The following RBM45 variants were observed in gnomAD, a reference collection of about 807,000 sequenced individuals.
RBM45 encodes RNA-binding protein 45.
Under a neutral mutation model 58.5 loss-of-function variants are expected in RBM45, and 39 were observed. The observed-to-expected ratio is 0.67, with a 90% CI of 0.52 to 0.87. The LOEUF (loss-of-function observed/expected upper bound fraction) is 0.87. Among genes scored for constraint, RBM45 ranks in the 40% least tolerant of loss-of-function variants. The pLI, the probability that RBM45 is intolerant of heterozygous loss-of-function variation, is 0.00. For synonymous variants in RBM45, 193 were observed against 203.0 expected, an observed-to-expected ratio of 0.95 and a Z score of 0.42; for missense variants, 481 against 581.6, an observed-to-expected ratio of 0.83 and a Z score of 1.78.
downstream of RBM45, among the ~76,000 whole-genome samples, chr2:178,132,693 C>T (rs937839060): frequency 6.6e-6 from 1 of 152,146 alleles, no homozygotes; most frequent in Non-Finnish European, 1.5e-5. Flanking sequence ...CGGGTTCAAG[C>T]GATTCTGCTG....
At position 178,120,469 on chromosome 2, in the gene RBM45, T is replaced by C. The variant is rs911304363; in HGVS notation, c.673+60T>C. 8.2e-6 allele frequency: 12 copies of C among 1,457,432 alleles called. No homozygotes were observed. The African/African-American group carries it at 1.6e-4, about 19-fold the overall frequency. 90.3% of individuals were successfully genotyped at this position (1,457,432 alleles called of 1,614,324 possible). On this transcript the variant is annotated intron_variant, in intron 4 of 9. Transcript: ENST00000286070. ...GTAGTATATGCAATCTAATTTGGGT[T>C]TTAAAGAATACTCTGTTATTGGGCA...
chr2:178,112,803 T>C lies in RBM45; in HGVS notation c.257T>C (p.Met86Thr), dbSNP rs759194043. ...CAGGCCTGCAGGGCCATGGAGGAGA[T>C]GCATGGCCAGTGCCTCGGCCCCAAC... Reference protein sequence around the residue: ...SSQACRAMEEMHGQCLGPNDT... With the variant: ...SSQACRAMEETHGQCLGPNDT... The change falls in exon 1 of 10, where the codon ATG (methionine) becomes ACG (threonine). Residue 86 changes from methionine (M) to threonine (T), a missense_variant. By Grantham distance (81) the Met-to-Thr change is moderately conservative. Transcript: ENST00000286070. 6.2e-7 allele frequency: 1 copy of C among 1,612,966 alleles called. No individual in the cohort carries two copies. Among genetic ancestry groups the C allele is most frequent in the Non-Finnish European group, 8.5e-7 (1 of 1,179,264 alleles).
At chr2:178,136,271 C>T (rs1472448234) in intron 3 of RBM45, among the ~76,000 whole-genome samples, 1 of 152,236 alleles carries the variant, frequency 6.6e-6, no homozygotes, top group Non-Finnish European at 1.5e-5. Flanking sequence ...GATCACGCCA[C>T]TGCACTCCAG....
At chr2:178,118,209 A>T (rs1395443564) in intron 3 of RBM45, 28 bp downstream of exon 3, 1 of 1,565,236 alleles carries the variant, frequency 6.4e-7, no homozygotes, top group Non-Finnish European at 8.7e-7. Context: ...ATTGTTAAAA[A>T]CTTTTGTAAA....
intron 8 of RBM45, 42 bp from the exon 9 acceptor site, chr2:178,125,942 A>G: frequency 6.5e-7 from 1 of 1,548,602 alleles, no homozygotes. Context: ...GAGCAGTTGT[A>G]TTTATCAATT....
chr2:178,134,344 G>A (rs181690110), downstream of RBM45, among the ~76,000 whole-genome samples: 6 of 152,254 alleles, frequency 3.9e-5, no homozygotes, highest in Admixed American at 3.3e-4. Context: ...AGAAACTGGG[G>A]GAAATACTGA....
Position 178,118,127 on chromosome 2 carries a change from G to C in RBM45, c.496G>C (p.Val166Leu). 1 of 1,612,854 alleles carries C rather than the reference G, an allele frequency of 6.2e-7. No homozygotes were observed. The highest frequency in any genetic ancestry group is 8.5e-7 in the Non-Finnish European group (1 of 1,179,262). The change falls in exon 3 of 10, where the codon GTA becomes CTA. Residue 166 changes from valine to leucine, a missense_variant. Physicochemically the swap from Val to Leu is conservative, Grantham distance 32 (BLOSUM62 1). Coordinates refer to ENST00000286070, the MANE Select transcript of RBM45 (RefSeq NM_152945.4). ...TGGAGAAAGTAAAGGTTTGGGCTAC[G>C]TACGATACTTAAAACCATCACAAGC... ...VTGESKGLGY[V>L]RYLKPSQAAQ...
chr2:178,135,198 T>C (rs2153907706), intron 3 of RBM45, among the ~76,000 whole-genome samples: 1 of 152,338 alleles, frequency 6.6e-6, no homozygotes, highest in Non-Finnish European at 1.5e-5. Flanking sequence ...AAGATTTTAA[T>C]CTGTTACTTA....
chr2:178,115,369 CT>C (rs1002717441), intron 1 of RBM45, among the ~76,000 whole-genome samples: 6 of 149,372 alleles, frequency 4.0e-5, no homozygotes, highest in South Asian at 2.1e-4. Context: ...ACCTGAGGTT[CT>C]TTTTTTTTTC....
At chr2:178,131,917 AGTT>A (rs1390690242), downstream of RBM45, among the ~76,000 whole-genome samples, 1 of 152,208 alleles carries the variant, frequency 6.6e-6, no homozygotes, top group Non-Finnish European at 1.5e-5. Flanking sequence ...TTATTAATCT[AGTT>A]GTTTATGTCT....
Position 178,118,064 on chromosome 2 carries a change from G to C in RBM45, c.433G>C (p.Asp145His). 6.2e-7 allele frequency: 1 copy of C among 1,609,714 alleles called. No homozygotes were observed. The highest frequency in any genetic ancestry group is 1.1e-5 in the South Asian group (1 of 90,460). ...CTTTTAACTCTCTTAGGTGTATGGA[G>C]ATATCGAGTATTGCAGCATTATTAA... Reference protein sequence around the residue: ...DLREKFKVYGDIEYCSIIKNK... With the variant: ...DLREKFKVYGHIEYCSIIKNK... Residue 145 changes from aspartate (D) to histidine (H), a missense_variant, in exon 3 of 10, where the codon GAT becomes CAT. Asp to His is a moderately conservative substitution (Grantham distance 81). Transcript: ENST00000286070.
chr2:178,132,239 T>C (rs962021196), downstream of RBM45, among the ~76,000 whole-genome samples: 1 of 152,238 alleles, frequency 6.6e-6, no homozygotes, highest in African/African-American at 2.4e-5. Flanking sequence ...AAGCAACATG[T>C]TCCAAACTAT....
chr2:178,132,900 C>CT (rs2088016011), downstream of RBM45, among the ~76,000 whole-genome samples: 1 of 152,082 alleles, frequency 6.6e-6, no homozygotes, highest in African/African-American at 2.4e-5. Context: ...AACTGTGGTT[C>CT]TTTAACTTTG....
In RBM45 at chr2:178,116,322, A is replaced by G; in HGVS notation, c.361A>G (p.Thr121Ala). 6.2e-7 allele frequency: 1 copy of G among 1,613,330 alleles called. No individual in the cohort carries two copies. The highest frequency in any genetic ancestry group is 8.5e-7 in the Non-Finnish European group (1 of 1,179,746). ...SHRDVEDEEL[T>A]RIFVMIPKSY... ...CCGAGATGTTGAAGATGAAGAACTTACAAGAATCTTTGTTATGATACCAAA... is the reference window on the plus strand; with the variant it reads ...CCGAGATGTTGAAGATGAAGAACTTGCAAGAATCTTTGTTATGATACCAAA... Residue 121 changes from threonine to alanine, a missense_variant, in exon 2 of 10, where the codon ACA becomes GCA. By Grantham distance (58) the Thr-to-Ala change is moderately conservative (BLOSUM62 0). Transcript: ENST00000286070.
At chr2:178,123,356 T>TG (rs373656073) in intron 5 of RBM45, among the ~76,000 whole-genome samples, 166 bp from the exon 6 acceptor site, 1 of 152,342 alleles carries the variant, frequency 6.6e-6, no homozygotes, top group African/African-American at 2.4e-5. Context: ...ATACACCTGT[T>TG]GCACACATGA....
downstream of RBM45, among the ~76,000 whole-genome samples, chr2:178,130,264 T>C (rs2087993034): frequency 6.6e-6 from 1 of 152,186 alleles, no homozygotes; most frequent in South Asian, 2.1e-4. Flanking sequence ...ACCACACTTA[T>C]AATCCTGGCA....
At position 178,112,676 on chromosome 2, in the gene RBM45, C is replaced by A. The variant is rs1298381955; in HGVS notation, c.130C>A (p.Arg44Ser). ...CACACCTGAGTCGGTGCTGAGGGAG[C>A]GCTTCTCGCCTTTTGGCGACATCCA... ...KYTPESVLRERFSPFGDIQDI... is the reference protein window; with the variant it reads ...KYTPESVLRESFSPFGDIQDI... Residue 44 changes from arginine to serine, a missense_variant, in exon 1 of 10, where the codon CGC becomes AGC. Coordinates refer to ENST00000286070, the MANE Select transcript of RBM45 (RefSeq NM_152945.4). 1.9e-6 allele frequency: 3 copies of A among 1,614,238 alleles called. No individual in the cohort carries two copies. The highest frequency in any genetic ancestry group is 1.1e-5 in the South Asian group (1 of 91,086).
At chr2:178,117,109 T>G (rs1257130182) in intron 2 of RBM45, among the ~76,000 whole-genome samples, 2 of 152,188 alleles carry the variant, frequency 1.3e-5, no homozygotes, top group Non-Finnish European at 2.9e-5. Flanking sequence ...TTATCTTTTT[T>G]CTACTAATCC....
At chr2:178,113,521 C>T (rs982523854) in intron 1 of RBM45, among the ~76,000 whole-genome samples, 5 of 152,188 alleles carry the variant, frequency 3.3e-5, no homozygotes, top group Admixed American at 2.6e-4. Flanking sequence ...GTTACTGCAA[C>T]TTTTCTTTGA....
Sources: allele counts gnomAD v4.1 joint callset (sites outside exome capture counted in the v4.1 genomes callset), GRCh38; gene constraint gnomAD v4.1.1; transcripts MANE v1.5; gene names NCBI Gene and HGNC (gene_info 2026-07-23, HGNC 2026-07-21).